Variants in PYGB observed in about 807,000 individuals in gnomAD.
The protein encoded by PYGB is glycogen phosphorylase B.
A neutral mutation model predicts 94.3 loss-of-function variants in PYGB; 82 were observed. That is an observed-to-expected ratio of 0.87 (90% CI 0.73 to 1.04). PYGB has a LOEUF of 1.04. Ranked by LOEUF, PYGB falls within the 50% of genes least tolerant of loss-of-function variation. The pLI, the probability that PYGB is intolerant of heterozygous loss-of-function variation, is 0.00. For synonymous variants in PYGB, 488 were observed against 479.1 expected (o/e 1.02, Z -0.24); for missense variants, 1,132 against 1,158.2 (o/e 0.98, Z 0.33).
rs2145909369 is a variant in PYGB, at chr20:25,297,844, G to C, written c.*1322G>C. 1 of 151,240 alleles carries C rather than the reference G, an allele frequency of 6.6e-6. No individual in the cohort carries two copies. Among genetic ancestry groups the C allele is most frequent in the South Asian group, 2.1e-4 (1 of 4,762 alleles). The allele number at this position is 151,240 out of a possible 1,614,324, so 9.4% of individuals were successfully genotyped here. Reference sequence around the variant, plus strand: ...CTTTTATTGAGTGGGGCAAGTGCTGGGCTGTGGTCGTGCCCTGACAGCATC... The same window carrying C: ...CTTTTATTGAGTGGGGCAAGTGCTGCGCTGTGGTCGTGCCCTGACAGCATC... On this transcript the variant is annotated 3_prime_UTR_variant, in exon 20 of 20. Transcript: ENST00000216962.
chr20:25,248,530 C>T (rs893517286), intron 1 of PYGB, 109 bp downstream of exon 1: 30 of 1,217,304 alleles, frequency 2.5e-5, no homozygotes, highest in Middle Eastern at 3.2e-4. Flanking sequence ...TTACCTGCGC[C>T]CCTAGCCGGC....
At chr20:25,254,549 A>G (rs532319618) in intron 1 of PYGB, among the ~76,000 whole-genome samples, 119 of 152,350 alleles carry the variant, frequency 7.8e-4, no homozygotes, top group African/African-American at 2.8e-3. Context: ...AAGTTCGGTT[A>G]ACAGTGTCTT....
intron 1 of PYGB, among the ~76,000 whole-genome samples, chr20:25,249,061 C>T (rs1454222300): frequency 2.0e-5 from 3 of 152,318 alleles, no homozygotes; most frequent in African/African-American, 4.8e-5. Flanking sequence ...TGACAGAGAT[C>T]ATCTTACTAA....
intron 1 of PYGB, among the ~76,000 whole-genome samples, chr20:25,254,881 T>C (rs962746897): frequency 6.6e-6 from 1 of 152,228 alleles, no homozygotes. Flanking sequence ...GGAATTTGTT[T>C]ACTACAGAAC....
At chr20:25,285,025 C>G (rs1439826775) in intron 14 of PYGB, 1 of 152,234 alleles carries the variant, frequency 6.6e-6, no homozygotes, top group Non-Finnish European at 1.5e-5. Flanking sequence ...AAAGGAACCA[C>G]ACATCCTCCT....
At chr20:25,248,595 C>G (rs2273473) in intron 1 of PYGB, among the ~76,000 whole-genome samples, 174 bp downstream of exon 1, 83,714 of 151,862 alleles carry the variant, frequency 0.55, 24,229 homozygotes, top group East Asian at 0.92. Flanking sequence ...GTCGGCGGGG[C>G]CCGGGCGTCC....
Position 25,259,219 on chromosome 20 carries a change from T to C in PYGB, c.244-18T>C, listed in dbSNP as rs1353546128. The C allele has an allele frequency of 6.4e-7, 1 of 1,554,426 alleles. No homozygotes were observed. Among genetic ancestry groups the C allele is most frequent in the Admixed American group, 1.7e-5 (1 of 59,890 alleles). On this transcript the variant is annotated intron_variant, in intron 1 of 19. Transcript: ENST00000216962. ...TAGAATGGAATGAGAAATCTTATTC[T>C]TTCTTCTGCTTCCTCAGCGCATTTA...
At chr20:25,294,135 A>G (rs2088502196) in intron 17 of PYGB, 23 bp from the exon 18 acceptor site, 1 of 1,611,300 alleles carries the variant, frequency 6.2e-7, no homozygotes, top group Non-Finnish European at 8.5e-7. Context: ...CTGGCTGCTG[A>G]CTCCTGGCCC....
At chr20:25,254,636 AATGAAAG>A (rs1348838436) in intron 1 of PYGB, among the ~76,000 whole-genome samples, 1 of 152,238 alleles carries the variant, frequency 6.6e-6, no homozygotes, top group Non-Finnish European at 1.5e-5. Context: ...AAACAGTTAA[AATGAAAG>A]ATTAAAGTAG....
chr20:25,290,847 C>T (rs1332713058), intron 16 of PYGB, among the ~76,000 whole-genome samples: 1 of 152,166 alleles, frequency 6.6e-6, no homozygotes, highest in African/African-American at 2.4e-5. Flanking sequence ...CAGGCAGTGT[C>T]ATCCCCCAAC....
intron 2 of PYGB, among the ~76,000 whole-genome samples, chr20:25,260,435 A>G (rs189719236): frequency 1.3e-5 from 2 of 152,350 alleles, no homozygotes; most frequent in East Asian, 3.9e-4. Flanking sequence ...CAGAAAATGA[A>G]TGTTAATTAT....
intron 17 of PYGB, among the ~76,000 whole-genome samples, chr20:25,293,128 G>T (rs1321498654): frequency 2.8e-3 from 5 of 1,810 alleles, no homozygotes; most frequent in African/African-American, 0.015. Context: ...GGCCAGGGTC[G>T]GGGGGGGTGG....
intron 1 of PYGB, among the ~76,000 whole-genome samples, chr20:25,253,817 G>T (rs1055755277): frequency 6.6e-6 from 1 of 152,038 alleles, no homozygotes; most frequent in African/African-American, 2.4e-5. Context: ...CAACACACTT[G>T]TTAGGTCATT....
intron 15 of PYGB, chr20:25,289,774 T>G: frequency 1.9e-6 from 1 of 527,206 alleles, no homozygotes; most frequent in Non-Finnish European, 3.9e-6. Context: ...ACACTCTAGC[T>G]CTTCACTCTT....
At chr20:25,285,066 T>C (rs2088405163) in intron 14 of PYGB, 1 of 152,188 alleles carries the variant, frequency 6.6e-6, no homozygotes, top group African/African-American at 2.4e-5. Flanking sequence ...CGGGAATAGA[T>C]CTCCTATTCC....
rs2088575813 is a variant in PYGB, at chr20:25,297,957, T to C, written c.*1435T>C. 1 of 152,158 alleles carries C rather than the reference T, an allele frequency of 6.6e-6. No individual in the cohort carries two copies. The highest frequency in any genetic ancestry group is 1.5e-5 in the Non-Finnish European group (1 of 68,092). 9.4% of individuals were successfully genotyped at this position (152,158 alleles called of 1,614,324 possible). A position where few individuals can be genotyped will look rare whatever the true frequency, so the allele number is the denominator to read the frequency against. On this transcript the variant is annotated 3_prime_UTR_variant, in exon 20 of 20. Coordinates refer to ENST00000216962, the MANE Select transcript of PYGB (RefSeq NM_002862.4). Reference sequence around the variant, plus strand: ...CCCTGACCACCACTGTGCCCCTCATTGTTACTGCCTTGTGAGATAAAAACT... The same window carrying C: ...CCCTGACCACCACTGTGCCCCTCATCGTTACTGCCTTGTGAGATAAAAACT...
At chr20:25,263,738 T>A (rs1348509059) in intron 2 of PYGB, among the ~76,000 whole-genome samples, 1 of 152,188 alleles carries the variant, frequency 6.6e-6, no homozygotes, top group Non-Finnish European at 1.5e-5. Context: ...CAGGAAGAAG[T>A]TGAATTCCTG....
In PYGB at chr20:25,274,000, TC is replaced by T. The variant is rs370948866; in HGVS notation, c.529-590del. Among the ~76,000 whole-genome samples, 342 of 152,334 alleles carry T rather than the reference TC, an allele frequency of 2.2e-3. 1 individual carries two copies. The highest frequency in any genetic ancestry group is 8.1e-3 in the African/African-American group (336 of 41,568). ...AGTGCTGGGACTGTAGGCGTGAGCC[TC>T]CGCCTGGCCAGTGTGTCCCCGTCAA... On this transcript the variant is annotated intron_variant, in intron 4 of 19. Coordinates refer to ENST00000216962, the MANE Select transcript of PYGB (RefSeq NM_002862.4).
At position 25,297,828 on chromosome 20, in the gene PYGB, A is replaced by AGTGGG. The variant is rs16438; in HGVS notation, c.*1308_*1312dup. ...ACCAGAGCACTACAGCCTTTTATTG[A>AGTGGG]GTGGGGCAAGTGCTGGGCTGTGGTC... On this transcript the variant is annotated 3_prime_UTR_variant, in exon 20 of 20. Transcript: ENST00000216962. 0.4 allele frequency: 61,208 copies of AGTGGG among 151,702 alleles called. 13,378 individuals carry two copies. The highest frequency in any genetic ancestry group is 0.91 in the East Asian group (4,672 of 5,112). The allele number at this position is 151,702 out of a possible 1,614,324, so 9.4% of individuals were successfully genotyped here.
Sources: allele counts gnomAD v4.1 joint callset (sites outside exome capture counted in the v4.1 genomes callset), GRCh38; gene constraint gnomAD v4.1.1; transcripts MANE v1.5; gene names NCBI Gene and HGNC (gene_info 2026-07-23, HGNC 2026-07-21).